BPTF: variants seen among roughly 807,000 people sequenced by gnomAD.
BPTF encodes bromodomain PHD finger transcription factor.
A neutral mutation model predicts 292.5 loss-of-function variants in BPTF; 18 were observed. The observed-to-expected ratio is 0.06, with a 90% CI of 0.04 to 0.09. BPTF has a LOEUF of 0.09. BPTF is among the 10% of genes least tolerant of loss of function. The probability of loss-of-function intolerance (pLI) is 1.00; values close to 1 mark genes in which losing one functional copy is unlikely to be tolerated. For missense variants in BPTF, 2,726 were observed against 3,498.7 expected, an observed-to-expected ratio of 0.78 and a Z score of 5.57; for synonymous variants, 1,225 against 1,251.9, an observed-to-expected ratio of 0.98 and a Z score of 0.45.
intron 27 of BPTF, among the ~76,000 whole-genome samples, chr17:67,978,321 C>CA (rs2069822650): frequency 1.4e-5 from 2 of 139,214 alleles, no homozygotes; most frequent in African/African-American, 5.3e-5. Context: ...TTTTTTGAGA[C>CA]AGAGTCTCAC....
At chr17:67,878,555 T>C (rs536771309) in intron 4 of BPTF, among the ~76,000 whole-genome samples, 2 of 152,136 alleles carry the variant, frequency 1.3e-5, no homozygotes, top group Admixed American at 1.3e-4. Flanking sequence ...CTGGGTATCA[T>C]CAGCATCACT....
In BPTF at chr17:67,893,508, A is replaced by C; in HGVS notation, c.2194A>C (p.Asn732His). ...YRVYHNQYSTNSFALNKHQHR... is the reference protein window; with the variant it reads ...YRVYHNQYSTHSFALNKHQHR... ...CGTCTACCACAATCAATACTCCACC[A>C]ATTCATTTGCTTTGAATAAGCACCA... The change falls in exon 6 of 28, where the codon AAT becomes CAT. Residue 732 changes from asparagine (N) to histidine (H), a missense_variant. Asn to His is a moderately conservative substitution (Grantham distance 68). Coordinates refer to ENST00000306378, the MANE Select transcript of BPTF (RefSeq NM_182641.4). 6.2e-7 allele frequency: 1 copy of C among 1,614,170 alleles called. No homozygotes were observed. Among genetic ancestry groups the C allele is most frequent in the East Asian group, 2.2e-5 (1 of 44,880 alleles).
At position 67,912,279 on chromosome 17, in the gene BPTF, C is replaced by T; in HGVS notation, c.4395C>T (p.Phe1465=). Residue 1465 remains phenylalanine, a synonymous_variant, in exon 11 of 28, where the codon TTC becomes TTT. Coordinates refer to ENST00000306378, the MANE Select transcript of BPTF (RefSeq NM_182641.4). ...TTAAAGAATCTGCTATAAGGCCATT[C>T]ATTAATGGTGATGTCATCATGGAAG... ...LTVKESAIRP[F]INGDVIMEDF... 1 of 1,613,614 alleles carries T rather than the reference C, an allele frequency of 6.2e-7. No homozygotes were observed. Among genetic ancestry groups the T allele is most frequent in the South Asian group, 1.1e-5 (1 of 91,050 alleles).
intron 15 of BPTF, among the ~76,000 whole-genome samples, chr17:67,925,992 CTTTTTTTTTTTTTTTT>C (rs60083535): frequency 2.2e-3 from 123 of 56,664 alleles, no homozygotes; most frequent in African/African-American, 6.6e-3. Flanking sequence ...TAACATATTA[CTTTTTTTTTTTTTTTT>C]TTTTTTTTTT....
chr17:67,983,496 T>C lies in BPTF; in HGVS notation c.*1208T>C, dbSNP rs1245079022. On this transcript the variant is annotated 3_prime_UTR_variant, in exon 28 of 28. Coordinates refer to ENST00000306378, the MANE Select transcript of BPTF (RefSeq NM_182641.4). ...ATTTTTTAGATGACCTCATCCTCTGTGTTATTTGTTGATTGGGTTTGTTTT... is the reference window on the plus strand; with the variant it reads ...ATTTTTTAGATGACCTCATCCTCTGCGTTATTTGTTGATTGGGTTTGTTTT... 1 of 152,654 alleles carries C rather than the reference T, an allele frequency of 6.6e-6. No individual in the cohort carries two copies. Among genetic ancestry groups the C allele is most frequent in the Non-Finnish European group, 1.5e-5 (1 of 68,034 alleles). 9.5% of individuals were successfully genotyped at this position (152,654 alleles called of 1,614,324 possible).
At chr17:67,894,340 T>G (rs2061309661) in intron 7 of BPTF, among the ~76,000 whole-genome samples, 175 bp downstream of exon 7, 1 of 152,182 alleles carries the variant, frequency 6.6e-6, no homozygotes, top group Admixed American at 6.6e-5. Context: ...TTCTTTCTTT[T>G]TTTTTTGAGA....
Position 67,959,809 on chromosome 17 carries a change from C to T in BPTF, c.8195C>T (p.Thr2732Ile), listed in dbSNP as rs782275926. 3.1e-6 allele frequency: 5 copies of T among 1,613,844 alleles called. No individual in the cohort carries two copies. The Admixed American group carries it at 8.3e-5, about 27-fold the overall frequency. ...AAGAAAAAGAAAATGATCTCTACTACCTCAAAGGAAACTAAGAAGGACACA... is the reference window on the plus strand; with the variant it reads ...AAGAAAAAGAAAATGATCTCTACTATCTCAAAGGAAACTAAGAAGGACACA... ...KSKKKKMISTTSKETKKDTKL... is the reference protein window; with the variant it reads ...KSKKKKMISTISKETKKDTKL... Residue 2732 changes from threonine (T) to isoleucine (I), a missense_variant, in exon 24 of 28, where the codon ACC (threonine) becomes ATC (isoleucine). By Grantham distance (89) the Thr-to-Ile change is moderately conservative. Around this residue, in one of 22 missense-constraint regions of BPTF, gnomAD observed 148 missense variants for 145.5 expected, o/e 1.02. Transcript: ENST00000306378.
intron 7 of BPTF, among the ~76,000 whole-genome samples, chr17:67,901,690 A>G (rs1434989652): frequency 6.6e-6 from 1 of 152,236 alleles, no homozygotes; most frequent in Non-Finnish European, 1.5e-5. Context: ...ATTAAAAACA[A>G]TGGGATAGTA....
intron 27 of BPTF, among the ~76,000 whole-genome samples, chr17:67,976,506 T>G (rs1337570508): frequency 6.6e-6 from 1 of 151,868 alleles, no homozygotes; most frequent in African/African-American, 2.4e-5. Flanking sequence ...GTCAACATAA[T>G]GAGACCATGT....
chr17:67,910,818 A>C, intron 10 of BPTF, 59 bp from the exon 11 acceptor site: 1 of 1,235,322 alleles, frequency 8.1e-7, no homozygotes, highest in Non-Finnish European at 1.1e-6. Flanking sequence ...AAATATATAT[A>C]TATAAATTCC....
intron 18 of BPTF, among the ~76,000 whole-genome samples, chr17:67,938,962 A>G (rs182311398): frequency 1.3e-3 from 199 of 152,318 alleles, no homozygotes; most frequent in East Asian, 5.6e-3. Context: ...GTGATACATG[A>G]TACTATTTGC....
rs1438108666 is a variant in BPTF at position 67,893,391 on chromosome 17, G to A, written c.2077G>A (p.Gly693Arg). 3.1e-6 allele frequency: 5 copies of A among 1,613,766 alleles called. No individual in the cohort carries two copies. The East Asian group carries it at 1.1e-4, about 36-fold the overall frequency. ...TCAGGTACTGGTAGTTAACTCTCAA[G>A]GAGAAATTTCACGGTTGAGCACCAA... is the stretch of plus-strand genomic sequence containing the variant. ...GKEVLVVNSQ[G>R]EISRLSTKKE... The change falls in exon 6 of 28, where the codon GGA becomes AGA. Residue 693 changes from glycine to arginine, a missense_variant. By Grantham distance (125) the Gly-to-Arg change is moderately radical. Around this residue, in one of 22 missense-constraint regions of BPTF, gnomAD observed 63 missense variants for 84.1 expected, o/e 0.75. Transcript: ENST00000306378.
At chr17:67,849,780 A>C (rs1353434212) in intron 1 of BPTF, among the ~76,000 whole-genome samples, 2 of 152,108 alleles carry the variant, frequency 1.3e-5, no homozygotes, top group Non-Finnish European at 1.5e-5. Context: ...TATACTAAAA[A>C]TACAAAAAAA....
At chr17:67,860,371 A>G (rs1458600719) in intron 2 of BPTF, among the ~76,000 whole-genome samples, 1 of 152,258 alleles carries the variant, frequency 6.6e-6, no homozygotes, top group Non-Finnish European at 1.5e-5. Context: ...TATAGTATGC[A>G]GAGGTTTTAA....
At chr17:67,872,122 A>G (rs1312443613) in intron 3 of BPTF, among the ~76,000 whole-genome samples, 1 of 152,074 alleles carries the variant, frequency 6.6e-6, no homozygotes, top group Non-Finnish European at 1.5e-5. Context: ...CACTGCGCCC[A>G]GCCCTGTTTT....
At chr17:67,967,594 A>G (rs560379913) in intron 26 of BPTF, among the ~76,000 whole-genome samples, 14 of 152,076 alleles carry the variant, frequency 9.2e-5, no homozygotes, top group East Asian at 7.8e-4. Flanking sequence ...GCCAAGGTGG[A>G]TGGATCACCT....
At position 67,874,916 on chromosome 17, in the gene BPTF, C is replaced by T; in HGVS notation, c.1760C>T (p.Ser587Phe). The T allele has an allele frequency of 6.2e-7, 1 of 1,613,680 alleles. No individual in the cohort carries two copies. The highest frequency in any genetic ancestry group is 8.5e-7 in the Non-Finnish European group (1 of 1,179,802). Residue 587 changes from serine (S) to phenylalanine (F), a missense_variant, in exon 4 of 28, where the codon TCT becomes TTT. This residue lies in a region of BPTF where 187 missense variants were observed against 201.5 expected (regional missense o/e 0.93). Coordinates refer to ENST00000306378, the MANE Select transcript of BPTF (RefSeq NM_182641.4). ...GACAAGAATGAGACTGAGAATGACT[C>T]TAAAGATGCTGAGAAAAACAGAGAA... is the stretch of plus-strand genomic sequence containing the variant. ...EKDKNETEND[S>F]KDAEKNREEF...
At chr17:67,841,265 C>T (rs1359220591) in intron 1 of BPTF, among the ~76,000 whole-genome samples, 1 of 151,902 alleles carries the variant, frequency 6.6e-6, no homozygotes, top group Non-Finnish European at 1.5e-5. Context: ...AAAAATTAGC[C>T]GGTCGTGGTG....
At chr17:67,860,784 C>T (rs2059029049) in intron 2 of BPTF, among the ~76,000 whole-genome samples, 1 of 152,202 alleles carries the variant, frequency 6.6e-6, no homozygotes, top group South Asian at 2.1e-4. Flanking sequence ...TCTCGAACTC[C>T]TGGGCTCAAG....
Sources: allele counts gnomAD v4.1 joint callset (sites outside exome capture counted in the v4.1 genomes callset), GRCh38; gene constraint gnomAD v4.1.1; regional missense constraint gnomAD v4.1.1; transcripts MANE v1.5; gene names NCBI Gene and HGNC (gene_info 2026-07-23, HGNC 2026-07-21).